The following RBFOX1 variants were observed in gnomAD, a reference collection of about 807,000 sequenced individuals.
The protein encoded by RBFOX1 is RNA binding protein fox-1 homolog 1.
A neutral mutation model predicts 57.7 loss-of-function variants in RBFOX1; 8 were observed. The observed-to-expected ratio is 0.14, with a 90% CI of 0.08 to 0.25. RBFOX1 has a LOEUF of 0.25. Ranked by LOEUF, RBFOX1 falls within the 10% of genes least tolerant of loss-of-function variation. RBFOX1 has a pLI of 1.00. For synonymous variants in RBFOX1, 326 were observed against 222.4 expected (o/e 1.47, Z -4.15); for missense variants, 611 against 548.5 (o/e 1.11, Z -1.14).
At chr16:5,258,112 C>A (rs1309209891) in intron 1 of RBFOX1, among the ~76,000 whole-genome samples, 1 of 152,100 alleles carries the variant, frequency 6.6e-6, no homozygotes, top group Non-Finnish European at 1.5e-5. Flanking sequence ...CTCCTGGGCT[C>A]AAGCAGTCCT....
chr16:7,317,058 A>G (rs2096457776), intron 4 of RBFOX1, among the ~76,000 whole-genome samples: 1 of 151,936 alleles, frequency 6.6e-6, no homozygotes, highest in African/African-American at 2.4e-5. Context: ...TACAAAGGCC[A>G]GTTTGGCTTT....
At chr16:5,686,495 A>G (rs1040462134) in intron 3 of RBFOX1, among the ~76,000 whole-genome samples, 2 of 152,154 alleles carry the variant, frequency 1.3e-5, no homozygotes, top group Admixed American at 1.3e-4. Context: ...GCCTCCACTG[A>G]GAGATCCTGG....
At chr16:6,750,853 C>G (rs1414923651) in intron 3 of RBFOX1, among the ~76,000 whole-genome samples, 1 of 152,058 alleles carries the variant, frequency 6.6e-6, no homozygotes, top group African/African-American at 2.4e-5. Context: ...GATGATGAAA[C>G]CAGGAAGCTG....
chr16:7,119,998 C>G (rs982157694), intron 4 of RBFOX1, among the ~76,000 whole-genome samples: 13 of 151,694 alleles, frequency 8.6e-5, no homozygotes, highest in Non-Finnish European at 1.3e-4. Flanking sequence ...CATATAGTTG[C>G]TTTCCTCTGA....
chr16:7,291,824 G>A (rs1165793217), intron 4 of RBFOX1, among the ~76,000 whole-genome samples: 1 of 150,142 alleles, frequency 6.7e-6, no homozygotes, highest in African/African-American at 2.5e-5. Flanking sequence ...AATCATTACT[G>A]CAAATCCTTC....
At chr16:7,580,744 G>C (rs1317976823) in intron 6 of RBFOX1, among the ~76,000 whole-genome samples, 1 of 152,180 alleles carries the variant, frequency 6.6e-6, no homozygotes, top group African/African-American at 2.4e-5. Flanking sequence ...TCTTTGACCA[G>C]TGTTCCACCA....
intron 3 of RBFOX1, among the ~76,000 whole-genome samples, chr16:5,787,906 G>C (rs2054560350): frequency 6.6e-6 from 1 of 152,218 alleles, no homozygotes; most frequent in Non-Finnish European, 1.5e-5. Flanking sequence ...TTATGTGGCA[G>C]GTCATTCACT....
intron 3 of RBFOX1, among the ~76,000 whole-genome samples, chr16:5,795,340 G>C (rs1331060333): frequency 6.7e-6 from 1 of 150,148 alleles, no homozygotes; most frequent in Non-Finnish European, 1.5e-5. Context: ...GTCTTACTCT[G>C]TTACCCTGGC....
At chr16:7,066,467 A>T (rs1026672425) in intron 4 of RBFOX1, among the ~76,000 whole-genome samples, 1 of 152,180 alleles carries the variant, frequency 6.6e-6, no homozygotes, top group East Asian at 1.9e-4. Context: ...GGATCCAACT[A>T]TGACAGGTGG....
chr16:7,695,132 C>T (rs903738724), intron 14 of RBFOX1, among the ~76,000 whole-genome samples: 1 of 152,136 alleles, frequency 6.6e-6, no homozygotes, highest in Admixed American at 6.5e-5. Context: ...TGCTATTGAT[C>T]ACATTTCAGA....
chr16:5,830,480 C>T lies in RBFOX1; in HGVS notation c.319-36823C>T, dbSNP rs117718418. Among the ~76,000 whole-genome samples, 739 of 151,820 alleles carry T rather than the reference C, an allele frequency of 4.9e-3. 2 individuals are homozygous for T. Among genetic ancestry groups the T allele is most frequent in the Non-Finnish European group, 7.3e-3 (494 of 67,926 alleles). ...GAGGGAAAGAGGATTGTATAGAGGCCGGGACTGTGGGGGCTGAGTAATATC... is the reference window on the plus strand; with the variant it reads ...GAGGGAAAGAGGATTGTATAGAGGCTGGGACTGTGGGGGCTGAGTAATATC... On this transcript the variant is annotated intron_variant, in intron 3 of 19. Coordinates refer to the RBFOX1 transcript ENST00000641259.
chr16:5,258,260 T>C (rs1188497240), intron 1 of RBFOX1, among the ~76,000 whole-genome samples: 2 of 152,202 alleles, frequency 1.3e-5, no homozygotes, highest in Non-Finnish European at 2.9e-5. Context: ...AGCTATCATA[T>C]ACCCATCACA....
intron 2 of RBFOX1, among the ~76,000 whole-genome samples, chr16:6,553,596 G>C (rs1487755498): frequency 6.6e-6 from 1 of 152,160 alleles, no homozygotes; most frequent in Non-Finnish European, 1.5e-5. Context: ...CTACTCACAA[G>C]TTGCCATGGA....
chr16:6,937,644 C>T (rs896884965), intron 3 of RBFOX1, among the ~76,000 whole-genome samples: 1 of 152,050 alleles, frequency 6.6e-6, no homozygotes, highest in Admixed American at 6.6e-5. Flanking sequence ...GGTGGGACAA[C>T]TGGAAGCAAG....
intron 2 of RBFOX1, among the ~76,000 whole-genome samples, chr16:6,510,075 G>A (rs1034781510): frequency 6.6e-6 from 1 of 152,128 alleles, no homozygotes; most frequent in Non-Finnish European, 1.5e-5. Flanking sequence ...TCCTAGGGAT[G>A]CTTATAGTTA....
At chr16:7,165,044 C>G (rs1439050275) in intron 4 of RBFOX1, among the ~76,000 whole-genome samples, 1 of 152,180 alleles carries the variant, frequency 6.6e-6, no homozygotes, top group African/African-American at 2.4e-5. Context: ...GCTTCTGGGT[C>G]ATAAAGGAGA....
chr16:6,220,788 T>C (rs1189175604), intron 1 of RBFOX1, among the ~76,000 whole-genome samples: 1 of 151,928 alleles, frequency 6.6e-6, no homozygotes, highest in African/African-American at 2.4e-5. Flanking sequence ...AGCATTAAAT[T>C]TGTGGTGCCT....
intron 11 of RBFOX1, among the ~76,000 whole-genome samples, chr16:7,643,274 C>T (rs181989037): frequency 1.3e-4 from 20 of 152,244 alleles, no homozygotes; most frequent in African/African-American, 2.9e-4. Context: ...ACACCAGACT[C>T]GTTGCTCAGA....
chr16:5,839,922 G>T (rs2056575091), intron 3 of RBFOX1, among the ~76,000 whole-genome samples: 1 of 152,174 alleles, frequency 6.6e-6, no homozygotes, highest in African/African-American at 2.4e-5. Flanking sequence ...TCAAGACAGA[G>T]AAACTAAGGT....
Sources: gnomAD v4.1 joint callset for allele counts (sites outside exome capture counted in the v4.1 genomes callset) on GRCh38, gnomAD v4.1.1 for gene constraint, MANE v1.5 for transcripts, NCBI Gene and HGNC (gene_info 2026-07-23, HGNC 2026-07-21) for gene names.